The following EIF2AK4 variants were observed in gnomAD, a reference collection of about 807,000 sequenced individuals.
EIF2AK4 encodes the protein eukaryotic translation initiation factor 2 alpha kinase 4, also known as eIF-2-alpha kinase GCN2.
Under a neutral mutation model 211.1 loss-of-function variants are expected in EIF2AK4, and 139 were observed. The observed-to-expected ratio is 0.66, with a 90% CI of 0.57 to 0.76. The LOEUF (loss-of-function observed/expected upper bound fraction) is 0.76, where lower values mean the gene tolerates loss of function less well. Among genes scored for constraint, EIF2AK4 ranks in the 30% least tolerant of loss-of-function variants. The probability of loss-of-function intolerance (pLI) is 0.00; values close to 1 mark genes in which losing one functional copy is unlikely to be tolerated. For missense variants in EIF2AK4, 1,664 were observed against 2,043.8 expected, an observed-to-expected ratio of 0.81 and a Z score of 3.58; for synonymous variants, 710 against 751.3, an observed-to-expected ratio of 0.94 and a Z score of 0.90.
rs760909407 is a variant in EIF2AK4 at position 40,034,277 on chromosome 15, T to C, written c.4774-49T>C. ...CATTAGTGACCCAGAAAAAACCAGCTAGTAAACCCTAGAGACCTGTTGTTA... is the reference window on the plus strand; with the variant it reads ...CATTAGTGACCCAGAAAAAACCAGCCAGTAAACCCTAGAGACCTGTTGTTA... On this transcript the variant is annotated intron_variant, in intron 37 of 38. Coordinates refer to ENST00000263791, the MANE Select transcript of EIF2AK4 (RefSeq NM_001013703.4). 4.8e-6 allele frequency: 7 copies of C among 1,462,882 alleles called. No homozygotes were observed. In the East Asian group the frequency reaches 1.6e-4, roughly 33 times the overall value. 90.6% of individuals were successfully genotyped at this position (1,462,882 alleles called of 1,614,324 possible). A position where few individuals can be genotyped will look rare whatever the true frequency, so the allele number is the denominator to read the frequency against.
chr15:40,004,405 T>C (rs2035132685), intron 23 of EIF2AK4, among the ~76,000 whole-genome samples: 1 of 152,192 alleles, frequency 6.6e-6, no homozygotes, highest in African/African-American at 2.4e-5. Flanking sequence ...TATTATGGAA[T>C]ATTAAGGAGC....
Position 40,029,489 on chromosome 15 carries a change from A to T in EIF2AK4, c.4561+25A>T, listed in dbSNP as rs993135027. The T allele has an allele frequency of 5.6e-6, 9 of 1,606,804 alleles. No individual in the cohort carries two copies. In the African/African-American group the frequency reaches 1.1e-4, roughly 19 times the overall value. On this transcript the variant is annotated intron_variant, in intron 34 of 38. Transcript: ENST00000263791. ...GGTATAATTACTAATTATAATCTGA[A>T]CATAATGATGCTTATATGTTTGCTC...
chr15:39,949,408 G>C, intron 4 of EIF2AK4, 140 bp downstream of exon 4: 1 of 1,278,996 alleles, frequency 7.8e-7, no homozygotes, highest in South Asian at 1.5e-5. Flanking sequence ...ACACATGTGA[G>C]AGTATGAAAA....
rs749696264 is a variant in EIF2AK4 at position 39,978,083 on chromosome 15, C to T, written c.2255C>T (p.Ala752Val). The T allele has an allele frequency of 7.5e-6, 12 of 1,595,930 alleles. No individual in the cohort carries two copies. In the Admixed American group the frequency reaches 2.0e-4, roughly 27 times the overall value. ...GGVFSQSFLP[A>V]SDSESDIIFD... ...TTTCTGTTTCCCTTTTTCAGGCCTG[C>T]TTCAGATTCTGAAAGTGATATTATC... is the stretch of plus-strand genomic sequence containing the variant. Residue 752 changes from alanine (A) to valine (V), a missense_variant, in exon 13 of 39, where the codon GCT becomes GTT. Around this residue, in one of 7 missense-constraint regions of EIF2AK4, gnomAD observed 206 missense variants for 201.9 expected, o/e 1.02. Transcript: ENST00000263791.
At chr15:40,012,705 G>A (rs1240246278) in intron 27 of EIF2AK4, among the ~76,000 whole-genome samples, 1 of 151,262 alleles carries the variant, frequency 6.6e-6, no homozygotes, top group African/African-American at 2.4e-5. Context: ...ACATTCGGAC[G>A]TAATAGCCAC....
chr15:39,954,128 C>A, intron 5 of EIF2AK4, 144 bp downstream of exon 5: 1 of 738,902 alleles, frequency 1.4e-6, no homozygotes, highest in Non-Finnish European at 2.0e-6. Flanking sequence ...GTATTTCAGA[C>A]TCCCTAAATA....
At chr15:40,004,705 T>C (rs910512578) in intron 23 of EIF2AK4, among the ~76,000 whole-genome samples, 1 of 152,088 alleles carries the variant, frequency 6.6e-6, no homozygotes, top group East Asian at 1.9e-4. Flanking sequence ...CAAGACTCTG[T>C]CTCAAAAAGA....
At chr15:39,971,815 T>C (rs1181196360) in intron 9 of EIF2AK4, among the ~76,000 whole-genome samples, 2 of 152,146 alleles carry the variant, frequency 1.3e-5, no homozygotes, top group Non-Finnish European at 2.9e-5. Flanking sequence ...TTGAAATCAT[T>C]TGGAGCTCTT....
At chr15:39,938,247 T>C (rs1413144039) in intron 1 of EIF2AK4, among the ~76,000 whole-genome samples, 1 of 152,158 alleles carries the variant, frequency 6.6e-6, no homozygotes, top group Non-Finnish European at 1.5e-5. Flanking sequence ...TTAGCAAATA[T>C]GGGTGATGGA....
chr15:39,937,003 A>T (rs1032895706), intron 1 of EIF2AK4, among the ~76,000 whole-genome samples: 1 of 152,154 alleles, frequency 6.6e-6, no homozygotes, highest in Admixed American at 6.5e-5. Context: ...GTTTAGTAGC[A>T]TATGTATATC....
chr15:39,964,066 C>T (rs990549205), intron 7 of EIF2AK4, among the ~76,000 whole-genome samples: 8 of 152,120 alleles, frequency 5.3e-5, no homozygotes, highest in Non-Finnish European at 7.4e-5. Flanking sequence ...ATTTTTTCCC[C>T]TTAGGCAAAG....
rs749846899 is a variant in EIF2AK4, at chr15:39,992,191, A to G, written c.2648A>G (p.Asp883Gly). The stretch of plus-strand genomic sequence containing the variant: ...TATTTTTAGGCTGACAGCAAACAAG[A>G]CGATCAGACAGGAGACTTGATTAAG... ...HLAFSADSKQ[D>G]DQTGDLIKSD... The change falls in exon 17 of 39, where the codon GAC (aspartate) becomes GGC (glycine). Residue 883 changes from aspartate to glycine, a missense_variant. Transcript: ENST00000263791. 6.2e-7 allele frequency: 1 copy of G among 1,612,238 alleles called. No homozygotes were observed. The highest frequency in any genetic ancestry group is 1.1e-5 in the South Asian group (1 of 90,700).
chr15:40,029,058 G>A (rs1342044249), intron 33 of EIF2AK4, among the ~76,000 whole-genome samples: 1 of 152,168 alleles, frequency 6.6e-6, no homozygotes, highest in Non-Finnish European at 1.5e-5. Flanking sequence ...TGGGGCTGCT[G>A]TTATTCATGT....
chr15:40,007,280 C>T lies in EIF2AK4; in HGVS notation c.3407+215C>T, dbSNP rs75620679. On this transcript the variant is annotated intron_variant, in intron 24 of 38. Coordinates refer to ENST00000263791, the MANE Select transcript of EIF2AK4 (RefSeq NM_001013703.4). ...TAGAAGGAATGTAGCAGGTAGGTAC[C>T]GTCATGTTCCCACAGTCTATTCTGT... 2.4e-3 allele frequency among the ~76,000 whole-genome samples: 361 copies of T among 152,246 alleles called. 1 individual carries two copies. Among genetic ancestry groups the T allele is most frequent in the African/African-American group, 7.2e-3 (298 of 41,546 alleles).
chr15:39,951,343 A>G, intron 4 of EIF2AK4: 1 of 195,418 alleles, frequency 5.1e-6, no homozygotes, highest in Non-Finnish European at 1.1e-5. Context: ...GGCTTGAGCC[A>G]CCACGCCCGA....
At chr15:39,967,997 C>A in intron 9 of EIF2AK4, 118 bp downstream of exon 9, 2 of 1,025,278 alleles carry the variant, frequency 2.0e-6, no homozygotes, top group South Asian at 1.6e-5. Context: ...GGACTTCATT[C>A]TTTGCTCTCC....
chr15:40,001,490 C>T (rs530355464), intron 21 of EIF2AK4, among the ~76,000 whole-genome samples: 10 of 152,090 alleles, frequency 6.6e-5, no homozygotes, highest in African/African-American at 1.7e-4. Flanking sequence ...ATTAGCCGTG[C>T]GTGGTGGCAT....
intron 23 of EIF2AK4, among the ~76,000 whole-genome samples, chr15:40,006,029 G>A (rs1027283008): frequency 5.9e-5 from 9 of 151,770 alleles, no homozygotes; most frequent in Non-Finnish European, 1.3e-4. Context: ...TCACATTCAC[G>A]TGTCTGAATG....
intron 23 of EIF2AK4, among the ~76,000 whole-genome samples, chr15:40,004,272 CAAAG>C (rs2035130734): frequency 6.6e-6 from 1 of 152,026 alleles, no homozygotes. Flanking sequence ...GCAATTTACT[CAAAG>C]AAAGAAAAAC....
Sources: gnomAD v4.1 joint callset for allele counts (sites outside exome capture counted in the v4.1 genomes callset) on GRCh38, gnomAD v4.1.1 for gene constraint, gnomAD v4.1.1 regional missense constraint, MANE v1.5 for transcripts, NCBI Gene and HGNC (gene_info 2026-07-23, HGNC 2026-07-21) for gene names.